Variants in MTDH observed in about 807,000 individuals in gnomAD.
MTDH encodes the protein metadherin.
A neutral mutation model predicts 72.7 loss-of-function variants in MTDH; 34 were observed. The observed-to-expected ratio is 0.47, with a 90% CI of 0.36 to 0.62. MTDH has a LOEUF of 0.62. Ranked by LOEUF, MTDH falls within the 20% of genes least tolerant of loss-of-function variation. MTDH has a pLI of 0.00. For synonymous variants in MTDH, 266 were observed against 268.9 expected, an observed-to-expected ratio of 0.99 and a Z score of 0.10; for missense variants, 677 against 699.4, an observed-to-expected ratio of 0.97 and a Z score of 0.36.
chr8:97,677,004 C>CAAAAAAAAAAAAAAAAAAA, intron 2 of MTDH, among the ~76,000 whole-genome samples: 2 of 23,318 alleles, frequency 8.6e-5, no homozygotes, highest in African/African-American at 1.8e-4. Context: ...GACTCTATCT[C>CAAAAAAAAAAAAAAAAAAA]AAAAAAAAAA....
chr8:97,690,420 AAAG>A (rs1354549638), intron 5 of MTDH, among the ~76,000 whole-genome samples: 1 of 152,210 alleles, frequency 6.6e-6, no homozygotes, highest in African/African-American at 2.4e-5. Context: ...ATATATGTAA[AAAG>A]AAACAGGTAC....
intron 7 of MTDH, among the ~76,000 whole-genome samples, chr8:97,701,993 C>G (rs1019011165): frequency 6.6e-6 from 1 of 152,092 alleles, no homozygotes; most frequent in Non-Finnish European, 1.5e-5. Context: ...ACTTTATTTT[C>G]TGTGTCACCA....
chr8:97,680,167 G>T (rs1394500537), intron 2 of MTDH, among the ~76,000 whole-genome samples: 3 of 152,016 alleles, frequency 2.0e-5, no homozygotes, highest in Admixed American at 2.0e-4. Flanking sequence ...CGACCTCCTG[G>T]GCTCAAGTGA....
At chr8:97,689,194 G>A in intron 5 of MTDH, 91 bp downstream of exon 5, 1 of 635,828 alleles carries the variant, frequency 1.6e-6, no homozygotes. Context: ...GACACAGAAG[G>A]AAAGAAAAAA....
At chr8:97,647,168 A>G (rs1383740706) in intron 1 of MTDH, among the ~76,000 whole-genome samples, 2 of 152,228 alleles carry the variant, frequency 1.3e-5, no homozygotes, top group African/African-American at 2.4e-5. Flanking sequence ...GGCATACAAT[A>G]TGGGCATATC....
intron 2 of MTDH, among the ~76,000 whole-genome samples, chr8:97,665,854 C>T (rs1193626965): frequency 1.3e-5 from 2 of 152,134 alleles, no homozygotes; most frequent in South Asian, 2.1e-4. Flanking sequence ...TGGCCGGGCG[C>T]GGTGGCTCAC....
chr8:97,655,873 A>C (rs1213754711), intron 1 of MTDH, among the ~76,000 whole-genome samples: 1 of 152,244 alleles, frequency 6.6e-6, no homozygotes, highest in East Asian at 1.9e-4. Flanking sequence ...ACTTGGTGTA[A>C]TTCAAATGTA....
At chr8:97,723,742 C>CA (rs373955883) in intron 11 of MTDH, among the ~76,000 whole-genome samples, 2,090 of 141,154 alleles carry the variant, frequency 0.015, 46 homozygotes, top group African/African-American at 0.05. Context: ...GACTCTGTCT[C>CA]AAAAAAAAAA....
chr8:97,703,681 A>G (rs945493310), intron 7 of MTDH, among the ~76,000 whole-genome samples: 1 of 152,248 alleles, frequency 6.6e-6, no homozygotes, highest in Non-Finnish European at 1.5e-5. Context: ...GAATTGAAGT[A>G]TATCTTACAT....
intron 6 of MTDH, among the ~76,000 whole-genome samples, chr8:97,695,581 A>G (rs968019725): frequency 6.6e-6 from 1 of 152,186 alleles, no homozygotes; most frequent in Non-Finnish European, 1.5e-5. Context: ...TAGATTTGTA[A>G]TGGGTCACTG....
chr8:97,691,207 A>C lies in MTDH; in HGVS notation c.1048+19A>C, dbSNP rs1813594627. Reference sequence around the variant, plus strand: ...GGCATTGGTAAGAAGTGTTAGAAAAATTTAACTTTATTTAAAATTACTAAT... The same window carrying C: ...GGCATTGGTAAGAAGTGTTAGAAAACTTTAACTTTATTTAAAATTACTAAT... On this transcript the variant is annotated intron_variant, in intron 6 of 11. Coordinates refer to ENST00000336273, the MANE Select transcript of MTDH (RefSeq NM_178812.4). 6.7e-7 allele frequency: 1 copy of C among 1,484,958 alleles called. No individual in the cohort carries two copies. The highest frequency in any genetic ancestry group is 9.1e-7 in the Non-Finnish European group (1 of 1,102,844). The allele number at this position is 1,484,958 out of a possible 1,614,324, so 92.0% of individuals were successfully genotyped here.
intron 1 of MTDH, among the ~76,000 whole-genome samples, chr8:97,650,118 A>G (rs1353492781): frequency 6.6e-6 from 1 of 151,008 alleles, no homozygotes; most frequent in Non-Finnish European, 1.5e-5. Flanking sequence ...CACCATGCCC[A>G]GCTAATTTTT....
chr8:97,706,711 A>C lies in MTDH; in HGVS notation c.1233A>C (p.Ser411=), dbSNP rs766647693. The change falls in exon 8 of 12, where the codon TCA becomes TCC. Residue 411 remains serine (S), a synonymous_variant. Coordinates refer to ENST00000336273, the MANE Select transcript of MTDH (RefSeq NM_178812.4). ...WGNWVDEERA[S]LLKSQEPIPD... ...ATTGGGTAGACGAAGAAAGAGCTTC[A>C]CTTCTAAAGTCCCAGGAACCAATTC... The C allele has an allele frequency of 1.2e-6, 2 of 1,614,010 alleles. No homozygotes were observed. The highest frequency in any genetic ancestry group is 1.7e-6 in the Non-Finnish European group (2 of 1,179,936).
rs966758300 is a variant in MTDH, at chr8:97,728,167, T to G, written c.*3497T>G. Reference sequence around the variant, plus strand: ...CTTTAAGATTTTCCTGTAAACTCACTGCACAAACTGGAATTACTTTCCAAA... The same window carrying G: ...CTTTAAGATTTTCCTGTAAACTCACGGCACAAACTGGAATTACTTTCCAAA... On this transcript the variant is annotated 3_prime_UTR_variant, in exon 12 of 12. Coordinates refer to ENST00000336273, the MANE Select transcript of MTDH (RefSeq NM_178812.4). The G allele has an allele frequency of 6.6e-6, 1 of 152,236 alleles. No homozygotes were observed. Among genetic ancestry groups the G allele is most frequent in the Admixed American group, 6.5e-5 (1 of 15,272 alleles). The allele number at this position is 152,236 out of a possible 1,614,324, so 9.4% of individuals were successfully genotyped here.
chr8:97,696,254 G>C, intron 6 of MTDH: 15 of 985,280 alleles, frequency 1.5e-5, no homozygotes, highest in Non-Finnish European at 1.8e-5. Context: ...ACAGAATTCT[G>C]CTTCTTTTGC....
intron 2 of MTDH, among the ~76,000 whole-genome samples, chr8:97,671,498 G>T (rs994634308): frequency 2.6e-5 from 4 of 151,818 alleles, no homozygotes; most frequent in Non-Finnish European, 4.4e-5. Flanking sequence ...TATAATTTAT[G>T]ATTATTTTGT....
At position 97,723,454 on chromosome 8, in the gene MTDH, C is replaced by T. The variant is rs112300079; in HGVS notation, c.1678+419C>T. On this transcript the variant is annotated intron_variant, in intron 11 of 11. Coordinates refer to ENST00000336273, the MANE Select transcript of MTDH (RefSeq NM_178812.4). The stretch of plus-strand genomic sequence containing the variant: ...GTAGCCCTTTCTTCCTTTGAAAATG[C>T]TAAATTCTGCCGGGTGCGGTGGCTC... Among the ~76,000 whole-genome samples, 289 of 150,282 alleles carry T rather than the reference C, an allele frequency of 1.9e-3. 3 individuals carry two copies. The highest frequency in any genetic ancestry group is 2.3e-3 in the Non-Finnish European group (156 of 67,682).
chr8:97,663,430 G>A lies in MTDH; in HGVS notation c.483+2257G>A, dbSNP rs984419598. On this transcript the variant is annotated intron_variant, in intron 2 of 11. Transcript: ENST00000336273. ...ATATCTAGTAGGGACAGCTTATTGA[G>A]TACTTACTAGATATACTTTTAAGAC... 2.6e-5 allele frequency among the ~76,000 whole-genome samples: 4 copies of A among 152,174 alleles called. No individual in the cohort carries two copies. The East Asian group carries it at 7.7e-4, about 29-fold the overall frequency.
At chr8:97,678,594 C>CTTTTTTTTTTTTTTTTTTTTTTTTTTTTT (rs35895126) in intron 2 of MTDH, among the ~76,000 whole-genome samples, 1 of 85,324 alleles carries the variant, frequency 1.2e-5, no homozygotes, top group East Asian at 4.1e-4. Context: ...TTCCTTCCTT[C>CTTTTTTTTTTTTTTTTTTTTTTTTTTTTT]TTTTTTTTTT....
Sources: gnomAD v4.1 joint callset for allele counts (sites outside exome capture counted in the v4.1 genomes callset) on GRCh38, gnomAD v4.1.1 for gene constraint, MANE v1.5 for transcripts, NCBI Gene and HGNC (gene_info 2026-07-23, HGNC 2026-07-21) for gene names.